MEF2C: variants seen among roughly 807,000 people sequenced by gnomAD.
MEF2C encodes the protein myocyte enhancer factor 2C, also known as myocyte-specific enhancer factor 2C.
MEF2C carries 6 observed loss-of-function variants against 50.5 expected under a neutral mutation model. That is an observed-to-expected ratio of 0.12 (90% CI 0.07 to 0.23). The LOEUF (loss-of-function observed/expected upper bound fraction) is 0.23. Ranked by LOEUF, MEF2C falls within the 10% of genes least tolerant of loss-of-function variation. The pLI is 1.00. For synonymous variants in MEF2C, 183 were observed against 228.0 expected (o/e 0.80, Z 1.78); for missense variants, 276 against 605.0 (o/e 0.46, Z 5.70).
chr5:88,754,147 G>A (rs903395437), intron 4 of MEF2C, among the ~76,000 whole-genome samples: 6 of 152,174 alleles, frequency 3.9e-5, no homozygotes, highest in Non-Finnish European at 8.8e-5. Flanking sequence ...AGTGGGGGAG[G>A]CACCAGCAAC....
At chr5:88,896,031 T>G (rs186356726) in intron 1 of MEF2C, among the ~76,000 whole-genome samples, 114 of 152,250 alleles carry the variant, frequency 7.5e-4, no homozygotes, top group Non-Finnish European at 1.3e-3. Flanking sequence ...ATGTCTCAGG[T>G]CCCTCCCACC....
At chr5:88,867,478 G>GCACC (rs145707451) in intron 1 of MEF2C, among the ~76,000 whole-genome samples, 2 of 152,228 alleles carry the variant, frequency 1.3e-5, no homozygotes, top group African/African-American at 4.8e-5. Flanking sequence ...GATAGTAACT[G>GCACC]CACCTACCTC....
chr5:88,844,212 C>A (rs536211431), intron 1 of MEF2C, among the ~76,000 whole-genome samples: 2 of 152,260 alleles, frequency 1.3e-5, no homozygotes, highest in South Asian at 4.1e-4. Flanking sequence ...CAGGCAAATT[C>A]GTAATCTCAT....
intron 1 of MEF2C, among the ~76,000 whole-genome samples, chr5:88,889,925 G>A (rs1437361719): frequency 6.6e-6 from 1 of 152,166 alleles, no homozygotes; most frequent in Non-Finnish European, 1.5e-5. Context: ...CTGGCACACG[G>A]TCCACGTCTG....
chr5:88,861,669 A>G (rs1233585602), intron 1 of MEF2C, among the ~76,000 whole-genome samples: 2 of 152,184 alleles, frequency 1.3e-5, no homozygotes, highest in African/African-American at 2.4e-5. Context: ...AACCAGTATT[A>G]GGAACTTTCA....
At chr5:88,794,695 T>C (rs955555767) in intron 3 of MEF2C, among the ~76,000 whole-genome samples, 2 of 152,232 alleles carry the variant, frequency 1.3e-5, no homozygotes, top group Admixed American at 6.5e-5. Context: ...CTTTTGGTGT[T>C]TTAGTCATGA....
At chr5:88,766,511 T>C (rs778584521) in intron 3 of MEF2C, 2 of 298,302 alleles carry the variant, frequency 6.7e-6, no homozygotes, top group Non-Finnish European at 9.9e-6. Context: ...ATTAATGCTA[T>C]TTAAGTAAAA....
At chr5:88,855,063 G>T (rs755360576) in intron 1 of MEF2C, among the ~76,000 whole-genome samples, 1 of 152,176 alleles carries the variant, frequency 6.6e-6, no homozygotes, top group East Asian at 1.9e-4. Flanking sequence ...ACACAGAAAG[G>T]GTGCTGGACC....
At chr5:88,806,952 T>C (rs750771548) in intron 2 of MEF2C, among the ~76,000 whole-genome samples, 14 of 152,188 alleles carry the variant, frequency 9.2e-5, no homozygotes, top group Non-Finnish European at 1.5e-4. Context: ...GGTATAAAAA[T>C]TGATAGGGGA....
chr5:88,749,887 G>A (rs551466381), intron 5 of MEF2C, among the ~76,000 whole-genome samples: 3 of 151,912 alleles, frequency 2.0e-5, no homozygotes, highest in East Asian at 2.0e-4. Context: ...AAAATTAGCC[G>A]GGCGTGGTGG....
chr5:88,888,998 T>A (rs1293325264), intron 1 of MEF2C: 2 of 152,240 alleles, frequency 1.3e-5, no homozygotes, highest in African/African-American at 4.8e-5. Flanking sequence ...TTTTAACTGT[T>A]TCTTCTAGAT....
intron 10 of MEF2C, 40 bp from the exon 11 acceptor site, chr5:88,722,965 C>G: frequency 6.7e-7 from 1 of 1,486,334 alleles, no homozygotes; most frequent in South Asian, 1.3e-5. Flanking sequence ...ATGAAGGAGG[C>G]CTGGAGGCCC....
chr5:88,736,566 C>A (rs1161212974), intron 6 of MEF2C: 1 of 933,606 alleles, frequency 1.1e-6, no homozygotes, highest in Non-Finnish European at 1.3e-6. Flanking sequence ...CTGGTCTCTA[C>A]TTGAGGGGTT....
intron 1 of MEF2C, chr5:88,838,796 A>ATCCT (rs1816167516): frequency 1.1e-6 from 1 of 923,414 alleles, no homozygotes; most frequent in African/African-American, 1.8e-5. Flanking sequence ...TCTACTACAA[A>ATCCT]TCCTTCTATT....
intron 3 of MEF2C, among the ~76,000 whole-genome samples, chr5:88,778,969 G>A (rs565663352): frequency 6.6e-5 from 10 of 152,346 alleles, no homozygotes; most frequent in Non-Finnish European, 1.3e-4. Flanking sequence ...CCGCAGTAGC[G>A]GAGCTCCCCT....
In MEF2C at chr5:88,824,073, T is replaced by C. The variant is rs1809751563; in HGVS notation, c.-142-143A>G. The C allele has an allele frequency of 7.5e-6, 7 of 927,346 alleles. No homozygotes were observed. In the East Asian group the frequency reaches 3.5e-4, roughly 46 times the overall value. 57.4% of individuals were successfully genotyped at this position (927,346 alleles called of 1,614,324 possible). On this transcript the variant is annotated intron_variant, in intron 1 of 10. Transcript: ENST00000504921. ...AAAAATAACTTTTTTGTTAAAAATA[T>C]ATGGTATATCACAGACAGGAGCAGA...
At chr5:88,820,186 G>A (rs1278045281) in intron 2 of MEF2C, among the ~76,000 whole-genome samples, 2 of 151,742 alleles carry the variant, frequency 1.3e-5, no homozygotes, top group African/African-American at 4.8e-5. Context: ...TTACATACTT[G>A]CTTAAGAAAT....
rs869224140 is a variant in MEF2C, at chr5:88,805,823, CTTTTTTTTTTT to C, written c.55-1033_55-1023del. ...TGGCTACTGAAAAGGCGTGAACATT[CTTTTTTTTTTT>C]TTTTTTTTTTTTTTTTGGAGACGGA... On this transcript the variant is annotated intron_variant, in intron 2 of 10. Coordinates refer to ENST00000504921, the MANE Select transcript of MEF2C (RefSeq NM_002397.5). Among the ~76,000 whole-genome samples, 12 of 61,590 alleles carry C rather than the reference CTTTTTTTTTTT, an allele frequency of 1.9e-4. No homozygotes were observed. In the South Asian group the frequency reaches 4.4e-3, roughly 23 times the overall value. The allele number at this position is 61,590 out of a possible 152,430, so 40.4% of individuals were successfully genotyped here.
chr5:88,875,491 T>C (rs190084807), intron 1 of MEF2C, among the ~76,000 whole-genome samples: 625 of 152,082 alleles, frequency 4.1e-3, no homozygotes, highest in Middle Eastern at 0.01. Flanking sequence ...CCATTATATT[T>C]TTCTTTTCGA....
Sources: allele counts gnomAD v4.1 joint callset (sites outside exome capture counted in the v4.1 genomes callset), GRCh38; gene constraint gnomAD v4.1.1; transcripts MANE v1.5; gene names NCBI Gene and HGNC (gene_info 2026-07-23, HGNC 2026-07-21).